ASH1L: variants seen among roughly 807,000 people sequenced by gnomAD.
ASH1L encodes the protein histone-lysine N-methyltransferase ASH1L.
ASH1L carries 23 observed loss-of-function variants against 269.0 expected under a neutral mutation model. That is an observed-to-expected ratio of 0.09 (90% CI 0.06 to 0.12). ASH1L has a LOEUF of 0.12. Ranked by LOEUF, ASH1L falls within the 10% of genes least tolerant of loss-of-function variation. ASH1L has a pLI of 1.00. For missense variants in ASH1L, 2,912 were observed against 3,567.8 expected (o/e 0.82, Z 4.68); for synonymous variants, 1,187 against 1,253.5 (o/e 0.95, Z 1.12).
chr1:155,345,577 T>TC (rs1338715773), intron 21 of ASH1L, among the ~76,000 whole-genome samples: 2 of 146,152 alleles, frequency 1.4e-5, no homozygotes, highest in Non-Finnish European at 3.0e-5. Context: ...CCAGCTTTTT[T>TC]TTTTTTTTTT....
At chr1:155,433,567 G>A (rs769927341) in intron 5 of ASH1L, 2 of 1,611,004 alleles carry the variant, frequency 1.2e-6, no homozygotes, top group East Asian at 2.2e-5. Context: ...AGGAGAAGCT[G>A]GAGCAAAACC....
At chr1:155,356,694 A>G (rs899701679) in intron 15 of ASH1L, among the ~76,000 whole-genome samples, 1 of 151,318 alleles carries the variant, frequency 6.6e-6, no homozygotes. Context: ...GTTGCCGAAG[A>G]TGGTCTTGAA....
At chr1:155,368,852 A>G (rs1447697684) in intron 12 of ASH1L, among the ~76,000 whole-genome samples, 1 of 152,252 alleles carries the variant, frequency 6.6e-6, no homozygotes, top group Non-Finnish European at 1.5e-5. Flanking sequence ...CACACAAAGA[A>G]GTATTACTCC....
intron 2 of ASH1L, among the ~76,000 whole-genome samples, chr1:155,508,516 G>A (rs1447656582): frequency 6.6e-6 from 1 of 152,086 alleles, no homozygotes; most frequent in Non-Finnish European, 1.5e-5. Context: ...GCATTCACCT[G>A]TAATCCCAGC....
chr1:155,353,785 C>G (rs1302014483), intron 16 of ASH1L, among the ~76,000 whole-genome samples: 3 of 152,116 alleles, frequency 2.0e-5, no homozygotes, highest in Non-Finnish European at 2.9e-5. Context: ...ATAAAAAGGT[C>G]TTCAAACTGA....
rs1343656458 is a variant in ASH1L, at chr1:155,485,193, T to C, written c.421-2744A>G. On this transcript the variant is annotated intron_variant, in intron 2 of 27. Coordinates refer to ENST00000392403, the MANE Select transcript of ASH1L (RefSeq NM_018489.3). ...ATCACTTGAACCTGGGACGGGGAGG[T>C]TGCAGTGAGCCAAGATAGCACCACT... Among the ~76,000 whole-genome samples, 13 of 151,134 alleles carry C rather than the reference T, an allele frequency of 8.6e-5. No individual in the cohort carries two copies. In the East Asian group the frequency reaches 9.7e-4, roughly 11 times the overall value.
chr1:155,546,699 A>C (rs985925788), intron 1 of ASH1L, among the ~76,000 whole-genome samples: 1 of 151,722 alleles, frequency 6.6e-6, no homozygotes, highest in Non-Finnish European at 1.5e-5. Flanking sequence ...CAGAGGTTGC[A>C]GTGAGCTGAG....
chr1:155,513,571 CAAAAAAA>C (rs767517719), intron 2 of ASH1L, among the ~76,000 whole-genome samples: 1 of 83,008 alleles, frequency 1.2e-5, no homozygotes, highest in African/African-American at 4.0e-5. Context: ...GATCCTGTAT[CAAAAAAA>C]AAAAAAAAAA....
At chr1:155,389,512 A>C (rs1259848700) in intron 7 of ASH1L, among the ~76,000 whole-genome samples, 1 of 152,004 alleles carries the variant, frequency 6.6e-6, no homozygotes, top group African/African-American at 2.4e-5. Context: ...GTCTCTACTA[A>C]AAATACAAAA....
At chr1:155,474,632 C>T (rs1665388785) in intron 3 of ASH1L, among the ~76,000 whole-genome samples, 1 of 152,068 alleles carries the variant, frequency 6.6e-6, no homozygotes, top group Non-Finnish European at 1.5e-5. Flanking sequence ...GCCCAGGAAA[C>T]AGGTTGCAGT....
intron 3 of ASH1L, among the ~76,000 whole-genome samples, chr1:155,461,169 A>T (rs569309615): frequency 3.3e-5 from 5 of 152,362 alleles, no homozygotes; most frequent in Middle Eastern, 3.4e-3. Flanking sequence ...TCCTAAAAGA[A>T]GATGTGATTA....
At chr1:155,416,308 C>T (rs1432348768) in intron 5 of ASH1L, among the ~76,000 whole-genome samples, 3 of 151,712 alleles carry the variant, frequency 2.0e-5, no homozygotes, top group East Asian at 1.9e-4. Flanking sequence ...TTAGTAGAGA[C>T]GGGTTTTGCC....
At chr1:155,457,787 A>C (rs1276319623) in intron 4 of ASH1L, among the ~76,000 whole-genome samples, 1 of 152,246 alleles carries the variant, frequency 6.6e-6, no homozygotes, top group Non-Finnish European at 1.5e-5. Context: ...TGCAAAAGAA[A>C]CATTATGAAT....
At chr1:155,557,482 A>G (rs912593020) in intron 1 of ASH1L, among the ~76,000 whole-genome samples, 3 of 151,670 alleles carry the variant, frequency 2.0e-5, no homozygotes, top group African/African-American at 7.3e-5. Context: ...GGGTTTCACC[A>G]TGTTAGCCAG....
intron 5 of ASH1L, among the ~76,000 whole-genome samples, chr1:155,432,742 T>C (rs1314457966): frequency 1.3e-5 from 2 of 152,170 alleles, no homozygotes; most frequent in Non-Finnish European, 2.9e-5. Context: ...AAAAGCCTTT[T>C]TTGTCGTTGT....
At chr1:155,383,943 C>T (rs1229544632) in intron 7 of ASH1L, among the ~76,000 whole-genome samples, 1 of 152,032 alleles carries the variant, frequency 6.6e-6, no homozygotes, top group Non-Finnish European at 1.5e-5. Flanking sequence ...GTATATTTTA[C>T]TGGAAGTTAA....
chr1:155,434,441 AATG>A (rs1159741740), intron 5 of ASH1L, among the ~76,000 whole-genome samples: 3 of 151,428 alleles, frequency 2.0e-5, no homozygotes, highest in Admixed American at 2.0e-4. Context: ...GGTGAAGTTC[AATG>A]ATGTTCTTGA....
At chr1:155,374,146 C>T (rs190540212) in intron 10 of ASH1L, among the ~76,000 whole-genome samples, 1,568 of 152,058 alleles carry the variant, frequency 0.01, 36 homozygotes, top group African/African-American at 0.036. Flanking sequence ...CTGGCCAACA[C>T]GGCGAAACCT....
chr1:155,343,126 A>C lies in ASH1L; in HGVS notation c.8293+188T>G. 1.8e-6 allele frequency: 1 copy of C among 559,458 alleles called. No individual in the cohort carries two copies. The highest frequency in any genetic ancestry group is 2.4e-5 in the South Asian group (1 of 41,352). The allele number at this position is 559,458 out of a possible 1,614,324, so 34.7% of individuals were successfully genotyped here. ...TCCCAGGCTCAGCAATCCTCCCAGT[A>C]GTTGGGACTACAGGCCTACACTGCC... On this transcript the variant is annotated intron_variant, in intron 24 of 27. Coordinates refer to ENST00000392403, the MANE Select transcript of ASH1L (RefSeq NM_018489.3). The surrounding 1 kb of genome is among the most constrained non-coding windows in gnomAD (Gnocchi z 6.1).
Sources: allele counts gnomAD v4.1 joint callset (sites outside exome capture counted in the v4.1 genomes callset), GRCh38; gene constraint gnomAD v4.1.1; non-coding constraint Gnocchi (gnomAD v3.1); transcripts MANE v1.5; gene names NCBI Gene and HGNC (gene_info 2026-07-23, HGNC 2026-07-21).